Variants in IL1RAPL1 observed in about 807,000 individuals in gnomAD.
IL1RAPL1 encodes the protein interleukin-1 receptor accessory protein-like 1.
In IL1RAPL1, 3 loss-of-function variants were observed where a neutral mutation model predicts 48.4. The observed-to-expected ratio is 0.06, with a 90% CI of 0.03 to 0.16. The LOEUF is 0.16. Among genes scored for constraint, IL1RAPL1 ranks in the 10% least tolerant of loss-of-function variants. IL1RAPL1 has a pLI of 1.00. For synonymous variants in IL1RAPL1, 185 were observed against 187.7 expected (o/e 0.99, Z 0.12); for missense variants, 349 against 530.6 (o/e 0.66, Z 3.36).
chrX:29,652,668 G>A (rs1925555462), intron 5 of IL1RAPL1, among the ~76,000 whole-genome samples: 1 of 111,480 alleles, frequency 9.0e-6, no homozygotes, highest in South Asian at 3.8e-4. Context: ...AAAAGTCTTA[G>A]CTTGTTAAAA....
At chrX:29,684,283 A>G (rs1320044856) in intron 6 of IL1RAPL1, among the ~76,000 whole-genome samples, 6 of 111,796 alleles carry the variant, frequency 5.4e-5, no homozygotes, top group Non-Finnish European at 1.1e-4. Context: ...TCTCTGCTTC[A>G]TGGATGATGC....
intron 3 of IL1RAPL1, among the ~76,000 whole-genome samples, chrX:29,387,281 A>T (rs1369828758): frequency 8.9e-6 from 1 of 112,243 alleles, no homozygotes; most frequent in Non-Finnish European, 1.9e-5. Context: ...GATGAAGAAT[A>T]TCTTGTTTTT....
At position 28,722,600 on chromosome X, in the gene IL1RAPL1, T is replaced by C. The variant is rs762930840; in HGVS notation, c.-24-66720T>C. Among the ~76,000 whole-genome samples the C allele has an allele frequency of 2.7e-4, 30 of 111,484 alleles. No individual in the cohort carries two copies. In the East Asian group the frequency reaches 8.5e-3, roughly 32 times the overall value. On this transcript the variant is annotated intron_variant, in intron 1 of 10. Transcript: ENST00000378993. ...CCCTTTATTTCTTTCTCCTGCCCGA[T>C]TGCCCTGGCCAGAACTTCCAACACT...
intron 6 of IL1RAPL1, among the ~76,000 whole-genome samples, chrX:29,789,978 T>C (rs1251835286): frequency 9.0e-6 from 1 of 110,862 alleles, no homozygotes; most frequent in Non-Finnish European, 1.9e-5. Context: ...TTGGACAGAA[T>C]GATGATATCT....
At chrX:28,966,671 G>A (rs1454385767) in intron 2 of IL1RAPL1, among the ~76,000 whole-genome samples, 1 of 111,777 alleles carries the variant, frequency 8.9e-6, no homozygotes, top group African/African-American at 3.3e-5. Flanking sequence ...TCTTTATACA[G>A]CTGTAGATAT....
At chrX:29,234,791 T>A (rs899141961) in intron 2 of IL1RAPL1, among the ~76,000 whole-genome samples, 1 of 112,612 alleles carries the variant, frequency 8.9e-6, no homozygotes, top group Non-Finnish European at 1.9e-5. Context: ...GGTTTTCCAA[T>A]TTATAAAACA....
chrX:28,686,887 T>G (rs1446999455), intron 1 of IL1RAPL1, among the ~76,000 whole-genome samples: 1 of 112,031 alleles, frequency 8.9e-6, no homozygotes, highest in Non-Finnish European at 1.9e-5. Flanking sequence ...ATTTTGCATT[T>G]ATGTTTGTAG....
At chrX:29,140,475 T>A (rs921876079) in intron 2 of IL1RAPL1, among the ~76,000 whole-genome samples, 1 of 111,780 alleles carries the variant, frequency 8.9e-6, no homozygotes, top group African/African-American at 3.2e-5. Context: ...AAAACCAATA[T>A]AGATGCATCC....
At chrX:28,806,724 GT>G (rs1282861803) in intron 2 of IL1RAPL1, among the ~76,000 whole-genome samples, 2 of 111,610 alleles carry the variant, frequency 1.8e-5, no homozygotes, top group African/African-American at 6.5e-5. Context: ...CTTACTGTTT[GT>G]TTCAAAGGCA....
chrX:29,359,719 G>T (rs772479948), intron 3 of IL1RAPL1, among the ~76,000 whole-genome samples: 1 of 111,440 alleles, frequency 9.0e-6, no homozygotes, highest in Non-Finnish European at 1.9e-5. Flanking sequence ...TATGGTTTAA[G>T]GGCTTCTCAT....
chrX:29,339,680 G>A (rs1234920289), intron 3 of IL1RAPL1, among the ~76,000 whole-genome samples: 1 of 111,888 alleles, frequency 8.9e-6, no homozygotes, highest in African/African-American at 3.3e-5. Flanking sequence ...CATAATTAAT[G>A]AGCCAATATA....
intron 2 of IL1RAPL1, among the ~76,000 whole-genome samples, chrX:29,230,528 A>AAAAAAAAAAAAAAAAAAAAAC: frequency 8.1e-5 from 8 of 99,106 alleles, no homozygotes; most frequent in Non-Finnish European, 1.4e-4. Context: ...AAAAAAAAAA[A>AAAAAAAAAAAAAAAAAAAAAC]AAAAAAACCT....
chrX:29,411,707 T>TG (rs1376721280), intron 5 of IL1RAPL1, among the ~76,000 whole-genome samples: 1 of 105,114 alleles, frequency 9.5e-6, no homozygotes, highest in Non-Finnish European at 2.0e-5. Context: ...AACAACTACT[T>TG]TTTTTTTTTT....
chrX:29,093,149 C>T (rs1376428312), intron 2 of IL1RAPL1, among the ~76,000 whole-genome samples: 1 of 111,586 alleles, frequency 9.0e-6, no homozygotes, highest in African/African-American at 3.3e-5. Context: ...TCTCATATTG[C>T]TATAAAGAAA....
At chrX:28,873,161 A>C (rs1261763661) in intron 2 of IL1RAPL1, among the ~76,000 whole-genome samples, 1 of 86,162 alleles carries the variant, frequency 1.2e-5, no homozygotes, top group Non-Finnish European at 2.1e-5. Context: ...TCCAGGCAGG[A>C]GCACAGTGGC....
At chrX:29,340,760 C>G (rs774497896) in intron 3 of IL1RAPL1, among the ~76,000 whole-genome samples, 1 of 111,721 alleles carries the variant, frequency 9.0e-6, no homozygotes, top group East Asian at 2.8e-4. Context: ...AGCTATAGAT[C>G]TAAGCAACAT....
intron 6 of IL1RAPL1, among the ~76,000 whole-genome samples, chrX:29,906,485 A>T (rs867018581): frequency 6.6e-5 from 2 of 30,345 alleles, no homozygotes; most frequent in South Asian, 1.8e-3. Flanking sequence ...ATATATATAT[A>T]TATATATATA....
chrX:28,705,171 G>C (rs769943126), intron 1 of IL1RAPL1, among the ~76,000 whole-genome samples: 2 of 111,312 alleles, frequency 1.8e-5, no homozygotes, highest in Non-Finnish European at 3.8e-5. Flanking sequence ...ACAAATTCAG[G>C]ATATATTTTG....
At chrX:28,966,532 C>A (rs1042141270) in intron 2 of IL1RAPL1, among the ~76,000 whole-genome samples, 1 of 111,458 alleles carries the variant, frequency 9.0e-6, no homozygotes, top group Admixed American at 9.6e-5. Flanking sequence ...AACTCTCCCC[C>A]CTCCTCTTGT....
Sources: allele counts gnomAD v4.1 joint callset (sites outside exome capture counted in the v4.1 genomes callset), GRCh38; gene constraint gnomAD v4.1.1; transcripts MANE v1.5; gene names NCBI Gene and HGNC (gene_info 2026-07-23, HGNC 2026-07-21).